DSCAM: variants seen among roughly 807,000 people sequenced by gnomAD.
DSCAM encodes the protein cell adhesion molecule DSCAM.
Under a neutral mutation model 217.7 loss-of-function variants are expected in DSCAM, and 47 were observed. That is an observed-to-expected ratio of 0.22 (90% confidence interval 0.17 to 0.28). DSCAM has a LOEUF of 0.28. Among genes scored for constraint, DSCAM ranks in the 10% least tolerant of loss-of-function variants. The pLI is 1.00. For synonymous variants in DSCAM, 1,056 were observed against 1,015.3 expected, an observed-to-expected ratio of 1.04 and a Z score of -0.76; for missense variants, 2,080 against 2,618.3, an observed-to-expected ratio of 0.79 and a Z score of 4.49.
At chr21:40,697,841 A>C (rs2090611747) in intron 2 of DSCAM, among the ~76,000 whole-genome samples, 1 of 152,188 alleles carries the variant, frequency 6.6e-6, no homozygotes, top group Admixed American at 6.5e-5. Flanking sequence ...GTTTCATACA[A>C]AGTTAAGGAT....
chr21:40,470,227 T>G (rs1193512734), intron 3 of DSCAM, among the ~76,000 whole-genome samples: 1 of 152,248 alleles, frequency 6.6e-6, no homozygotes, highest in African/African-American at 2.4e-5. Flanking sequence ...TTTCAGCCAA[T>G]GAGGATTCAG....
chr21:40,203,965 A>G (rs2091097667), intron 11 of DSCAM, among the ~76,000 whole-genome samples: 1 of 152,262 alleles, frequency 6.6e-6, no homozygotes, highest in Non-Finnish European at 1.5e-5. Context: ...TTTAAATGAA[A>G]TATTAATGAA....
chr21:40,687,647 G>A (rs1390588322), intron 3 of DSCAM, among the ~76,000 whole-genome samples: 1 of 152,138 alleles, frequency 6.6e-6, no homozygotes, highest in Non-Finnish European at 1.5e-5. Flanking sequence ...AATTTGGTTG[G>A]CTGTACCTAT....
intron 3 of DSCAM, among the ~76,000 whole-genome samples, chr21:40,663,000 G>A (rs769889804): frequency 2.0e-5 from 3 of 152,116 alleles, no homozygotes; most frequent in Non-Finnish European, 4.4e-5. Flanking sequence ...GAGGTATGCA[G>A]GGGCTTTTCA....
chr21:40,518,692 G>GTA (rs373669279), intron 3 of DSCAM, among the ~76,000 whole-genome samples: 1,476 of 135,850 alleles, frequency 0.011, 57 homozygotes, highest in African/African-American at 0.039. Context: ...GTATATATAT[G>GTA]TATATATATA....
At chr21:40,324,679 A>T (rs928115785) in intron 8 of DSCAM, among the ~76,000 whole-genome samples, 1 of 152,332 alleles carries the variant, frequency 6.6e-6, no homozygotes, top group Non-Finnish European at 1.5e-5. Context: ...CCATGGTCTG[A>T]GCAGGATGAC....
chr21:40,680,125 T>C (rs2090384042), intron 3 of DSCAM, among the ~76,000 whole-genome samples: 1 of 152,214 alleles, frequency 6.6e-6, no homozygotes, highest in Non-Finnish European at 1.5e-5. Context: ...ATGTTATTTT[T>C]ATTCCTATTT....
At chr21:40,218,268 G>GTT (rs2091261216) in intron 11 of DSCAM, among the ~76,000 whole-genome samples, 1 of 152,104 alleles carries the variant, frequency 6.6e-6, no homozygotes, top group South Asian at 2.1e-4. Flanking sequence ...CCCACTGCTT[G>GTT]TTTTTGTCAG....
intron 29 of DSCAM, among the ~76,000 whole-genome samples, chr21:40,053,543 G>T (rs2088966862): frequency 6.6e-6 from 1 of 152,234 alleles, no homozygotes; most frequent in South Asian, 2.1e-4. Flanking sequence ...TTGGGCGCCT[G>T]TCTGATCATG....
At chr21:40,686,070 G>T (rs957284359) in intron 3 of DSCAM, among the ~76,000 whole-genome samples, 17 of 152,020 alleles carry the variant, frequency 1.1e-4, no homozygotes, top group Admixed American at 7.9e-4. Flanking sequence ...GGATTTTAGT[G>T]TGACTGAGTG....
chr21:40,265,897 A>G (rs80332581), intron 11 of DSCAM, among the ~76,000 whole-genome samples: 3,698 of 152,290 alleles, frequency 0.024, 79 homozygotes, highest in Middle Eastern at 0.054. Flanking sequence ...ACCTGAAACC[A>G]TAAAAATTCT....
chr21:40,392,088 A>T (rs1460161057), intron 3 of DSCAM, among the ~76,000 whole-genome samples: 1 of 152,160 alleles, frequency 6.6e-6, no homozygotes, highest in African/African-American at 2.4e-5. Flanking sequence ...CATTATCTCC[A>T]TGGTTATTCT....
intron 3 of DSCAM, among the ~76,000 whole-genome samples, chr21:40,421,959 C>G (rs1207079141): frequency 5.9e-5 from 9 of 152,180 alleles, no homozygotes; most frequent in Non-Finnish European, 1.2e-4. Flanking sequence ...TGAGGAGGCT[C>G]TGAGCATGTA....
At chr21:40,569,537 T>C (rs2076790424) in intron 3 of DSCAM, among the ~76,000 whole-genome samples, 1 of 152,202 alleles carries the variant, frequency 6.6e-6, no homozygotes, top group Admixed American at 6.5e-5. Context: ...TAGCCAGCCC[T>C]TTCTGACAGC....
intron 3 of DSCAM, among the ~76,000 whole-genome samples, chr21:40,458,751 G>C (rs2075782881): frequency 6.6e-6 from 1 of 152,088 alleles, no homozygotes; most frequent in African/African-American, 2.4e-5. Context: ...CCTAAGGACA[G>C]ATAATTCATA....
intron 16 of DSCAM, among the ~76,000 whole-genome samples, chr21:40,154,007 A>T (rs1387153396): frequency 6.6e-6 from 1 of 152,188 alleles, no homozygotes; most frequent in Non-Finnish European, 1.5e-5. Flanking sequence ...CTTACTCAGC[A>T]CTAAAGGGAT....
chr21:40,567,390 A>G (rs2076772824), intron 3 of DSCAM, among the ~76,000 whole-genome samples: 1 of 152,252 alleles, frequency 6.6e-6, no homozygotes, highest in African/African-American at 2.4e-5. Context: ...TGCTCAGGAC[A>G]CAGCCAGAGC....
At chr21:40,282,384 G>A (rs556300946) in intron 10 of DSCAM, among the ~76,000 whole-genome samples, 35 of 151,632 alleles carry the variant, frequency 2.3e-4, no homozygotes, top group Non-Finnish European at 3.7e-4. Flanking sequence ...TCAGGAGGTC[G>A]AGACCATCCT....
chr21:40,621,041 C>T (rs951549044), intron 3 of DSCAM, among the ~76,000 whole-genome samples: 2 of 151,958 alleles, frequency 1.3e-5, no homozygotes, highest in African/African-American at 4.8e-5. Context: ...AATATAGAGA[C>T]AGAAATCACA....
Sources: allele counts gnomAD v4.1 joint callset (sites outside exome capture counted in the v4.1 genomes callset), GRCh38; gene constraint gnomAD v4.1.1; transcripts MANE v1.5; gene names NCBI Gene and HGNC (gene_info 2026-07-23, HGNC 2026-07-21).